Variants in DGLUCY observed in about 807,000 individuals in gnomAD.
DGLUCY encodes D-glutamate cyclase, mitochondrial.
DGLUCY carries 58 observed loss-of-function variants against 58.5 expected under a neutral mutation model. The ratio of observed to expected loss-of-function variants is 0.99; its 90% CI spans 0.80 to 1.23. DGLUCY has a LOEUF of 1.23. Among genes scored for constraint, DGLUCY ranks in the 50% most tolerant of loss-of-function variants. The pLI is 0.00. For missense variants in DGLUCY, 779 were observed against 784.7 expected, an observed-to-expected ratio of 0.99 and a Z score of 0.09; for synonymous variants, 325 against 314.1, an observed-to-expected ratio of 1.03 and a Z score of -0.37.
chr14:91,070,812 A>G (rs1172896377), intron 1 of DGLUCY, among the ~76,000 whole-genome samples: 1 of 152,262 alleles, frequency 6.6e-6, no homozygotes, highest in Non-Finnish European at 1.5e-5. Flanking sequence ...ATGAAACAAT[A>G]GAATAATGGA....
At chr14:91,184,111 C>A (rs1262326892) in intron 8 of DGLUCY, among the ~76,000 whole-genome samples, 1 of 151,948 alleles carries the variant, frequency 6.6e-6, no homozygotes, top group African/African-American at 2.4e-5. Flanking sequence ...AGGGGTGAGG[C>A]CAGCCTGCAA....
rs148391819 is a variant in DGLUCY at position 91,204,884 on chromosome 14, G to A, written c.1564+59G>A. 13,318 of 1,608,644 alleles carry A rather than the reference G, an allele frequency of 8.3e-3. 68 individuals are homozygous for A. The highest frequency in any genetic ancestry group is 9.6e-3 in the Non-Finnish European group (11,317 of 1,177,878). On this transcript the variant is annotated intron_variant, in intron 12 of 13. Coordinates refer to ENST00000256324, the MANE Select transcript of DGLUCY (RefSeq NM_001102368.3). ...CTACCCAGGGTGAGCGACCTGGCTTGGAGCCTGACCAGGCCAGAAGCTCTT... is the reference window on the plus strand; with the variant it reads ...CTACCCAGGGTGAGCGACCTGGCTTAGAGCCTGACCAGGCCAGAAGCTCTT...
intron 1 of DGLUCY, among the ~76,000 whole-genome samples, chr14:91,142,387 CGGCT>C (rs2046749973): frequency 6.6e-6 from 1 of 152,116 alleles, no homozygotes; most frequent in African/African-American, 2.4e-5. Flanking sequence ...AGAAACTGCA[CGGCT>C]TCCATTAGAA....
At chr14:91,165,321 C>G (rs2048217972) in intron 3 of DGLUCY, 4 of 453,016 alleles carry the variant, frequency 8.8e-6, no homozygotes, top group African/African-American at 8.0e-5. Flanking sequence ...ACATTACCTC[C>G]CTGAGGTCTC....
intron 6 of DGLUCY, among the ~76,000 whole-genome samples, chr14:91,174,791 G>T (rs1450128430): frequency 6.6e-6 from 1 of 152,154 alleles, no homozygotes; most frequent in African/African-American, 2.4e-5. Context: ...TGTCTGTAGG[G>T]GGGTGGCCTT....
chr14:91,120,773 A>C (rs1304881991), intron 1 of DGLUCY, among the ~76,000 whole-genome samples: 1 of 152,166 alleles, frequency 6.6e-6, no homozygotes, highest in African/African-American at 2.4e-5. Flanking sequence ...ATCAGGTATC[A>C]GGTTCTGGCA....
At chr14:91,060,338 G>C in exon 1 of DGLUCY, 1 of 1,399,092 alleles carries the variant, frequency 7.1e-7, no homozygotes, top group Non-Finnish European at 9.4e-7. Context: ...TCACCAGTCC[G>C]CAGCTCGTGC....
At chr14:91,168,046 C>T (rs753713344) in intron 4 of DGLUCY, among the ~76,000 whole-genome samples, 4 of 152,166 alleles carry the variant, frequency 2.6e-5, no homozygotes, top group Non-Finnish European at 4.4e-5. Context: ...AGGAGGATGG[C>T]TTGAGCCCAG....
intron 10 of DGLUCY, among the ~76,000 whole-genome samples, chr14:91,198,952 C>T (rs1165156672): frequency 6.6e-6 from 1 of 152,194 alleles, no homozygotes; most frequent in East Asian, 1.9e-4. Context: ...ACCACTATAC[C>T]ATCTGTGCCC....
At position 91,198,368 on chromosome 14, in the gene DGLUCY, G is replaced by A. The variant is rs190663342; in HGVS notation, c.1296-1389G>A. ...CTTTTTTTTTTTTCCCCCTTGAGAC[G>A]GGGTCTCACTCTGTCACCCAGGCTG... On this transcript the variant is annotated intron_variant, in intron 10 of 13. Coordinates refer to ENST00000256324, the MANE Select transcript of DGLUCY (RefSeq NM_001102368.3). 5.5e-4 allele frequency among the ~76,000 whole-genome samples: 78 copies of A among 140,950 alleles called. 1 individual carries two copies. The highest frequency in any genetic ancestry group is 1.8e-3 in the African/African-American group (70 of 37,882). 92.5% of individuals were successfully genotyped at this position (140,950 alleles called of 152,430 possible). A position where few individuals can be genotyped will look rare whatever the true frequency, so the allele number is the denominator to read the frequency against.
At chr14:91,204,683 G>A (rs753499899) in intron 11 of DGLUCY, 23 bp from the exon 12 acceptor site, 233 of 1,612,184 alleles carry the variant, frequency 1.4e-4, no homozygotes, top group Non-Finnish European at 1.8e-4. Context: ...CCCGTGCACT[G>A]ACTCAGCTCC....
chr14:91,167,639 T>C (rs982719660), intron 4 of DGLUCY: 14 of 706,676 alleles, frequency 2.0e-5, no homozygotes, highest in Middle Eastern at 2.3e-4. Context: ...CCACTGGCTC[T>C]GCCATCTGTC....
chr14:91,200,338 T>C (rs184914170), intron 11 of DGLUCY, among the ~76,000 whole-genome samples: 8 of 152,298 alleles, frequency 5.3e-5, no homozygotes, highest in African/African-American at 1.4e-4. Context: ...AGACGGTCTT[T>C]GTTCATTACG....
chr14:91,205,634 C>G (rs1277391875), intron 12 of DGLUCY, among the ~76,000 whole-genome samples: 2 of 152,044 alleles, frequency 1.3e-5, no homozygotes, highest in East Asian at 3.9e-4. Flanking sequence ...CCCTCGTGCT[C>G]TTGTGAGTTT....
intron 12 of DGLUCY, among the ~76,000 whole-genome samples, chr14:91,214,019 A>G (rs950339121): frequency 9.1e-6 from 1 of 110,018 alleles, no homozygotes; most frequent in Non-Finnish European, 1.8e-5. Flanking sequence ...TTTGTTTGTT[A>G]TTTTTTTTGT....
rs375629700 is a variant in DGLUCY, at chr14:91,210,102, GAAACCCCATCTCTACAA to G, written c.1565-5286_1565-5270del. On this transcript the variant is annotated intron_variant, in intron 12 of 13. Transcript: ENST00000256324. ...TCAAGACCAGCCTGGACAACATGGT[GAAACCCCATCTCTACAA>G]AAACCCCATCTCTACAGGCAAATGC... is the stretch of plus-strand genomic sequence containing the variant. 6.4e-3 allele frequency among the ~76,000 whole-genome samples: 977 copies of G among 152,016 alleles called. 11 individuals carry two copies. The highest frequency in any genetic ancestry group is 0.022 in the African/African-American group (894 of 41,484).
intron 7 of DGLUCY, among the ~76,000 whole-genome samples, chr14:91,176,548 G>C (rs2048864336): frequency 6.6e-6 from 1 of 152,050 alleles, no homozygotes; most frequent in East Asian, 1.9e-4. Context: ...TAATCCCAGG[G>C]CTGGATCTCC....
chr14:91,153,877 G>A (rs1214361924), intron 1 of DGLUCY, among the ~76,000 whole-genome samples: 1 of 152,146 alleles, frequency 6.6e-6, no homozygotes, highest in Non-Finnish European at 1.5e-5. Flanking sequence ...CACCCAAGGT[G>A]GTCGGGGTAC....
chr14:91,196,525 T>G (rs774697127), intron 10 of DGLUCY, 51 bp downstream of exon 10: 1 of 1,458,690 alleles, frequency 6.9e-7, no homozygotes, highest in Admixed American at 1.8e-5. Context: ...AACGCCCATA[T>G]GCTCTTCACT....
Sources: allele counts gnomAD v4.1 joint callset (sites outside exome capture counted in the v4.1 genomes callset), GRCh38; gene constraint gnomAD v4.1.1; transcripts MANE v1.5; gene names NCBI Gene and HGNC (gene_info 2026-07-23, HGNC 2026-07-21).